Variants in MMP16 observed in about 807,000 individuals in gnomAD.
MMP16 encodes matrix metalloproteinase-16.
MMP16 carries 12 observed loss-of-function variants against 67.8 expected under a neutral mutation model. The observed-to-expected ratio is 0.18, with a 90% CI of 0.11 to 0.29. The LOEUF is 0.29. Among genes scored for constraint, MMP16 ranks in the 10% least tolerant of loss-of-function variants. The pLI is 1.00. For missense variants in MMP16, 475 were observed against 765.7 expected (o/e 0.62, Z 4.48); for synonymous variants, 249 against 255.9 (o/e 0.97, Z 0.26).
rs35853764 is a variant in MMP16 at position 88,158,609 on chromosome 8, G to T, written c.709+9060C>A. 6.2e-3 allele frequency among the ~76,000 whole-genome samples: 942 copies of T among 152,274 alleles called. 10 individuals are homozygous for T. Among genetic ancestry groups the T allele is most frequent in the African/African-American group, 0.022 (901 of 41,540 alleles). The stretch of plus-strand genomic sequence containing the variant: ...GATTGCAAAAATTTTCTCCCATTCT[G>T]TAGGTTGCCTGTTCACTCTGATGGT... On this transcript the variant is annotated intron_variant, in intron 4 of 9. Coordinates refer to ENST00000286614, the MANE Select transcript of MMP16 (RefSeq NM_005941.5).
intron 1 of MMP16, among the ~76,000 whole-genome samples, chr8:88,305,183 C>A (rs1001838870): frequency 3.3e-5 from 5 of 152,136 alleles, no homozygotes; most frequent in Middle Eastern, 3.4e-3. Context: ...CAACAAAGAT[C>A]AAAAAATACA....
chr8:88,208,776 T>C (rs1476521102), intron 1 of MMP16, among the ~76,000 whole-genome samples: 1 of 139,124 alleles, frequency 7.2e-6, no homozygotes, highest in Non-Finnish European at 1.5e-5. Flanking sequence ...GGATTTATGA[T>C]GCAGCCAATC....
intron 4 of MMP16, among the ~76,000 whole-genome samples, chr8:88,160,576 T>C (rs7386613): frequency 0.63 from 95,080 of 151,832 alleles, 30,693 homozygotes; most frequent in African/African-American, 0.78. Context: ...ATCAAAACCA[T>C]GATGAGATAC....
chr8:88,159,746 C>A (rs1459329515), intron 4 of MMP16, among the ~76,000 whole-genome samples: 1 of 152,080 alleles, frequency 6.6e-6, no homozygotes, highest in Non-Finnish European at 1.5e-5. Flanking sequence ...TTTGCCCATT[C>A]AGTATGAGGT....
intron 4 of MMP16, among the ~76,000 whole-genome samples, chr8:88,128,184 A>C (rs1348040844): frequency 6.6e-6 from 1 of 151,832 alleles, no homozygotes; most frequent in Non-Finnish European, 1.5e-5. Context: ...TGCTTGCACA[A>C]TTGCATATGA....
intron 1 of MMP16, among the ~76,000 whole-genome samples, chr8:88,201,812 T>C (rs1214739720): frequency 6.6e-6 from 1 of 152,138 alleles, no homozygotes; most frequent in African/African-American, 2.4e-5. Context: ...CCCCTCTATT[T>C]TGTGGTATCA....
At chr8:88,105,461 A>G (rs62525939) in intron 6 of MMP16, among the ~76,000 whole-genome samples, 11,441 of 151,490 alleles carry the variant, frequency 0.076, 497 homozygotes, top group East Asian at 0.18. Flanking sequence ...TACTATCTAC[A>G]GTTTCTTTAA....
rs963026925 is a variant in MMP16, at chr8:88,032,301, C to T, written c.*9160G>A. 6.6e-6 allele frequency: 1 copy of T among 152,094 alleles called. No individual in the cohort carries two copies. The highest frequency in any genetic ancestry group is 1.5e-5 in the Non-Finnish European group (1 of 68,028). The allele number at this position is 152,094 out of a possible 1,614,324, so 9.4% of individuals were successfully genotyped here. On this transcript the variant is annotated 3_prime_UTR_variant, in exon 10 of 10. Coordinates refer to ENST00000286614, the MANE Select transcript of MMP16 (RefSeq NM_005941.5). ...TGACATTTGTGTGGTTAAAGGTTGCCGCAGCAGTCAAAGGGTTATAGCATT... is the reference window on the plus strand; with the variant it reads ...TGACATTTGTGTGGTTAAAGGTTGCTGCAGCAGTCAAAGGGTTATAGCATT...
chr8:88,276,622 TCTC>T (rs963207200), intron 1 of MMP16, among the ~76,000 whole-genome samples: 1 of 152,054 alleles, frequency 6.6e-6, no homozygotes, highest in Admixed American at 6.6e-5. Flanking sequence ...AATACTAAAA[TCTC>T]CTGCTTCATC....
rs1808044563 is a variant in MMP16 at position 88,035,602 on chromosome 8, A to G, written c.*5859T>C. The stretch of plus-strand genomic sequence containing the variant: ...ATGTCTGTGAAGTCTCCGTTATAAC[A>G]CTAAGCTTCTGTGATCTTATATCCT... On this transcript the variant is annotated 3_prime_UTR_variant, in exon 10 of 10. Transcript: ENST00000286614. This position sits in a 1 kb window ranked among gnomAD's most constrained non-coding sequence, Gnocchi z 4.7. 6.6e-6 allele frequency: 1 copy of G among 152,012 alleles called. No homozygotes were observed. Among genetic ancestry groups the G allele is most frequent in the African/African-American group, 2.4e-5 (1 of 41,440 alleles). 9.4% of individuals were successfully genotyped at this position (152,012 alleles called of 1,614,324 possible).
chr8:88,296,855 A>C (rs986707772), intron 1 of MMP16, among the ~76,000 whole-genome samples: 2 of 150,244 alleles, frequency 1.3e-5, no homozygotes, highest in Non-Finnish European at 2.9e-5. Context: ...AAAAAAAAAA[A>C]AAACAGCTTG....
chr8:88,203,566 G>GA (rs1195955872), intron 1 of MMP16, among the ~76,000 whole-genome samples: 1 of 152,100 alleles, frequency 6.6e-6, no homozygotes, highest in Non-Finnish European at 1.5e-5. Flanking sequence ...GGAGGAGCTG[G>GA]AGTTCCACAG....
chr8:88,322,134 A>C (rs1358816593), intron 1 of MMP16, among the ~76,000 whole-genome samples: 2 of 152,200 alleles, frequency 1.3e-5, no homozygotes, highest in African/African-American at 4.8e-5. Context: ...TATTATGAAA[A>C]GGAAGCACTT....
chr8:88,277,527 A>G, intron 1 of MMP16, among the ~76,000 whole-genome samples: 1 of 151,848 alleles, frequency 6.6e-6, no homozygotes, highest in East Asian at 1.9e-4. Context: ...TTCTGGATCG[A>G]CTATAGCTGA....
chr8:88,209,449 G>A (rs1339199713), intron 1 of MMP16, among the ~76,000 whole-genome samples: 1 of 152,030 alleles, frequency 6.6e-6, no homozygotes. Flanking sequence ...GCAAATATGG[G>A]TTAATCAACT....
intron 3 of MMP16, among the ~76,000 whole-genome samples, chr8:88,184,391 A>C (rs1445368904): frequency 6.6e-6 from 1 of 151,784 alleles, no homozygotes; most frequent in Non-Finnish European, 1.5e-5. Flanking sequence ...GTGACCAGAA[A>C]AATAATCTAT....
At chr8:88,224,168 T>C (rs1349892607) in intron 1 of MMP16, among the ~76,000 whole-genome samples, 1 of 152,098 alleles carries the variant, frequency 6.6e-6, no homozygotes, top group Non-Finnish European at 1.5e-5. Context: ...GTTGGTTCTA[T>C]GTAACAAATG....
At chr8:88,174,016 A>G (rs1808845949) in intron 3 of MMP16, among the ~76,000 whole-genome samples, 1 of 152,198 alleles carries the variant, frequency 6.6e-6, no homozygotes, top group African/African-American at 2.4e-5. Context: ...TTGGGTTTAG[A>G]GAGAATAATG....
At chr8:88,269,379 G>A (rs1160660337) in intron 1 of MMP16, among the ~76,000 whole-genome samples, 1 of 152,028 alleles carries the variant, frequency 6.6e-6, no homozygotes, top group Non-Finnish European at 1.5e-5. Flanking sequence ...CACCTTCACA[G>A]GGCAACCAAG....
Sources: allele counts gnomAD v4.1 joint callset (sites outside exome capture counted in the v4.1 genomes callset), GRCh38; gene constraint gnomAD v4.1.1; non-coding constraint Gnocchi (gnomAD v3.1); transcripts MANE v1.5; gene names NCBI Gene and HGNC (gene_info 2026-07-23, HGNC 2026-07-21).